Variants in PI4KB observed in about 807,000 individuals in gnomAD.
PI4KB encodes the protein PtdIns 4-kinase beta.
A neutral mutation model predicts 81.4 loss-of-function variants in PI4KB; 23 were observed. That is an observed-to-expected ratio of 0.28 (90% CI 0.20 to 0.40). The LOEUF (loss-of-function observed/expected upper bound fraction) is 0.40. Ranked by LOEUF, PI4KB falls within the 10% of genes least tolerant of loss-of-function variation. The probability of loss-of-function intolerance (pLI) is 1.00; values close to 1 mark genes in which losing one functional copy is unlikely to be tolerated. For missense variants in PI4KB, 651 were observed against 1,036.6 expected, an observed-to-expected ratio of 0.63 and a Z score of 5.11; for synonymous variants, 381 against 406.8, an observed-to-expected ratio of 0.94 and a Z score of 0.76.
rs587656950 is a variant in PI4KB, at chr1:151,303,666, T to A, written c.1411-16A>T. On this transcript the variant is annotated splice_polypyrimidine_tract_variant and intron_variant, in intron 5 of 11. Transcript: ENST00000368873. ...CTTCGGGGAGCTGGAGAAAGGGGAG[T>A]GCTGGTCAGAAGTGCTAAAGTATAG... is the stretch of plus-strand genomic sequence containing the variant. 1 of 1,562,662 alleles carries A rather than the reference T, an allele frequency of 6.4e-7. No individual in the cohort carries two copies. Among genetic ancestry groups the A allele is most frequent in the Non-Finnish European group, 8.8e-7 (1 of 1,133,520 alleles).
At chr1:151,295,337 C>T (rs1382030995) in intron 9 of PI4KB, among the ~76,000 whole-genome samples, 1 of 152,142 alleles carries the variant, frequency 6.6e-6, no homozygotes, top group Non-Finnish European at 1.5e-5. Flanking sequence ...TTGGTTTGGC[C>T]AAAAGAGGAG....
intron 1 of PI4KB, chr1:151,324,879 G>A: frequency 1.0e-6 from 1 of 985,230 alleles, no homozygotes; most frequent in African/African-American, 1.7e-5. Flanking sequence ...TTGCTGCTTT[G>A]GATGGTGTTC....
intron 1 of PI4KB, 81 bp from the exon 2 acceptor site, chr1:151,316,590 C>G (rs893676610): frequency 1.0e-6 from 1 of 999,900 alleles, no homozygotes; most frequent in African/African-American, 1.7e-5. Context: ...TCAGATCTTC[C>G]CTTTGCTATG....
chr1:151,322,446 C>T (rs1259091932), intron 1 of PI4KB, among the ~76,000 whole-genome samples: 12 of 152,168 alleles, frequency 7.9e-5, no homozygotes. Context: ...TTCTACTGGC[C>T]TCCATTAAAG....
Position 151,310,216 on chromosome 1 carries a change from T to A in PI4KB, c.949A>T (p.Ser317Cys). The change falls in exon 3 of 12, where the codon AGT (serine) becomes TGT (cysteine). Residue 317 changes from serine to cysteine, a missense_variant. Around this residue, in one of 5 missense-constraint regions of PI4KB, gnomAD observed 314 missense variants for 397.8 expected, o/e 0.79. Coordinates refer to ENST00000368873, the MANE Select transcript of PI4KB (RefSeq NM_001369623.2). The stretch of plus-strand genomic sequence containing the variant: ...CCCAGCCTGGCCCCACTTACGGAAC[T>A]GAATGAATTATCAATACTCTCGGTG... ...SSTESIDNSFSSPVRLAPERE... is the reference protein window; with the variant it reads ...SSTESIDNSFCSPVRLAPERE... 1.9e-6 allele frequency: 3 copies of A among 1,607,060 alleles called. No homozygotes were observed. Among genetic ancestry groups the A allele is most frequent in the Non-Finnish European group, 2.5e-6 (3 of 1,177,738 alleles).
Position 151,292,742 on chromosome 1 carries a change from CTTGGGTGGATGG to C in PI4KB, c.*98_*109del, listed in dbSNP as rs369267931. ...TTCGTGTTTCTTGCCTTCCATTTCCCTTGGGTGGATGGTTGGGTAGGTGGGGTTTCCTGGTTT... is the reference window on the plus strand; with the variant it reads ...TTCGTGTTTCTTGCCTTCCATTTCCCTTGGGTAGGTGGGGTTTCCTGGTTT... On this transcript the variant is annotated 3_prime_UTR_variant, in exon 12 of 12. Coordinates refer to ENST00000368873, the MANE Select transcript of PI4KB (RefSeq NM_001369623.2). The C allele has an allele frequency of 1.8e-5, 17 of 971,244 alleles. No homozygotes were observed. In the African/African-American group the frequency reaches 2.8e-4, roughly 16 times the overall value. 60.2% of individuals were successfully genotyped at this position (971,244 alleles called of 1,614,324 possible).
Position 151,312,037 on chromosome 1 carries a change from G to A in PI4KB, c.910-1782C>T, listed in dbSNP as rs1271627753. Among the ~76,000 whole-genome samples, 5 of 152,264 alleles carry A rather than the reference G, an allele frequency of 3.3e-5. No individual in the cohort carries two copies. The East Asian group carries it at 9.6e-4, about 29-fold the overall frequency. On this transcript the variant is annotated intron_variant, in intron 2 of 11. Coordinates refer to ENST00000368873, the MANE Select transcript of PI4KB (RefSeq NM_001369623.2). ...TGGGAGGACAAACTGCCTGGGCAGA[G>A]TTCCCCGACTAGGCTGATAAAATGG... is the stretch of plus-strand genomic sequence containing the variant.
At chr1:151,315,180 T>C (rs1315239523) in intron 2 of PI4KB, among the ~76,000 whole-genome samples, 3 of 152,042 alleles carry the variant, frequency 2.0e-5, no homozygotes, top group Admixed American at 6.6e-5. Context: ...GATTTTGCCA[T>C]GTTGGCCAGG....
At position 151,306,133 on chromosome 1, in the gene PI4KB, C is replaced by T. The variant is rs2101955089; in HGVS notation, c.1410+3G>A. ...CAGCATTACCTCCCTGAAGCCCTCT[C>T]ACCTCCACTTGCAGCTCGCCTATGT... On this transcript the variant is annotated splice_donor_region_variant and intron_variant, in intron 5 of 11. Coordinates refer to ENST00000368873, the MANE Select transcript of PI4KB (RefSeq NM_001369623.2). The T allele has an allele frequency of 6.2e-7, 1 of 1,611,884 alleles. No individual in the cohort carries two copies. The highest frequency in any genetic ancestry group is 2.2e-5 in the East Asian group (1 of 44,842).
intron 2 of PI4KB, 150 bp downstream of exon 2, chr1:151,315,423 G>A: frequency 1.5e-6 from 1 of 650,248 alleles, no homozygotes; most frequent in Non-Finnish European, 2.7e-6. Flanking sequence ...GAATTCTAAG[G>A]CCTTTCCATT....
intron 1 of PI4KB, 109 bp downstream of exon 1, chr1:151,327,162 G>A: frequency 2.5e-6 from 1 of 393,496 alleles, no homozygotes; most frequent in Admixed American, 4.5e-5. Flanking sequence ...CAAGAGGGCA[G>A]TTTCGTAGTC....
intron 1 of PI4KB, among the ~76,000 whole-genome samples, chr1:151,320,381 C>T (rs1014476780): frequency 7.2e-5 from 11 of 152,326 alleles, no homozygotes; most frequent in Non-Finnish European, 1.2e-4. Flanking sequence ...CTCCCTGCCT[C>T]CCAGCAGTCA....
At chr1:151,295,142 A>G (rs1315114060) in intron 9 of PI4KB, among the ~76,000 whole-genome samples, 1 of 152,240 alleles carries the variant, frequency 6.6e-6, no homozygotes, top group Non-Finnish European at 1.5e-5. Flanking sequence ...GGGCAGCTGT[A>G]GAAGAGTTAA....
intron 11 of PI4KB, 22 bp downstream of exon 11, chr1:151,293,996 C>G (rs754997950): frequency 1.7e-5 from 27 of 1,613,730 alleles, no homozygotes; most frequent in Admixed American, 1.3e-4. Flanking sequence ...CACTATAGCA[C>G]CTGACCTCAC....
At chr1:151,309,742 T>C (rs1696053325) in intron 3 of PI4KB, among the ~76,000 whole-genome samples, 1 of 152,172 alleles carries the variant, frequency 6.6e-6, no homozygotes, top group Non-Finnish European at 1.5e-5. Context: ...GTCCTATTTG[T>C]TTTTGGAGTC....
upstream of PI4KB, chr1:151,327,664 TCGGGTGAGCTGC>T (rs1649857841): frequency 2.9e-6 from 1 of 344,270 alleles, no homozygotes; most frequent in Non-Finnish European, 5.2e-6. Context: ...ATCTAAGGAG[TCGGGTGAGCTGC>T]CTGGAACATG....
At chr1:151,293,736 G>A (rs189132589) in intron 11 of PI4KB, 31 of 392,012 alleles carry the variant, frequency 7.9e-5, no homozygotes, top group Middle Eastern at 1.4e-3. Flanking sequence ...GGGGTGGGGA[G>A]GTGAGAAGGG....
intron 5 of PI4KB, among the ~76,000 whole-genome samples, chr1:151,304,155 C>G (rs1695534808): frequency 1.3e-5 from 2 of 152,194 alleles, no homozygotes; most frequent in South Asian, 4.1e-4. Context: ...TACCAGACCC[C>G]AAGGCCCATG....
chr1:151,307,432 G>A, intron 4 of PI4KB, 142 bp downstream of exon 4: 3 of 625,462 alleles, frequency 4.8e-6, no homozygotes, highest in Middle Eastern at 8.6e-4. Flanking sequence ...CTGAGACAGA[G>A]TCATGGTTGA....
Sources: allele counts gnomAD v4.1 joint callset (sites outside exome capture counted in the v4.1 genomes callset), GRCh38; gene constraint gnomAD v4.1.1; regional missense constraint gnomAD v4.1.1; transcripts MANE v1.5; gene names NCBI Gene and HGNC (gene_info 2026-07-23, HGNC 2026-07-21).